The following AMN variants were observed in gnomAD, a reference collection of about 807,000 sequenced individuals.
AMN encodes amnion associated transmembrane protein.
Under a neutral mutation model 49.1 loss-of-function variants are expected in AMN, and 40 were observed. The observed-to-expected ratio is 0.81, with a 90% CI of 0.63 to 1.06. AMN has a LOEUF of 1.06. Ranked by LOEUF, AMN falls within the 50% of genes least tolerant of loss-of-function variation. The pLI is 0.00. For missense variants in AMN, 701 were observed against 662.8 expected, an observed-to-expected ratio of 1.06 and a Z score of -0.63; for synonymous variants, 380 against 313.3, an observed-to-expected ratio of 1.21 and a Z score of -2.25.
chr14:102,930,108 C>T (rs751052842), intron 9 of AMN, 22 bp downstream of exon 9: 7 of 1,509,796 alleles, frequency 4.6e-6, no homozygotes, highest in South Asian at 1.3e-5. Context: ...CGCCCCATCC[C>T]GCCCCGCCGC....
Position 102,929,695 on chromosome 14 carries a change from G to A in AMN, c.801G>A (p.Leu267=), listed in dbSNP as rs1163660664. The change falls in exon 8 of 12, where the codon CTG becomes CTA. Residue 267 remains leucine (L), a synonymous_variant. Coordinates refer to ENST00000299155, the MANE Select transcript of AMN (RefSeq NM_030943.4). Reference sequence around the variant, plus strand: ...TGACCCACGGCCCCGCATTTGACCTGGAGCGGTACCGGGCGCGGATACTGG... The same window carrying A: ...TGACCCACGGCCCCGCATTTGACCTAGAGCGGTACCGGGCGCGGATACTGG... The part of the protein sequence containing the change: ...VLLTHGPAFD[L]ERYRARILDT... The A allele has an allele frequency of 1.9e-6, 3 of 1,551,128 alleles. No homozygotes were observed. Among genetic ancestry groups the A allele is most frequent in the Non-Finnish European group, 2.6e-6 (3 of 1,147,702 alleles).
In AMN at chr14:102,930,676, C is replaced by T; in HGVS notation, c.1358C>T (p.Ala453Val). 3 of 1,583,244 alleles carry T rather than the reference C, an allele frequency of 1.9e-6. No individual in the cohort carries two copies. Among genetic ancestry groups the T allele is most frequent in the Non-Finnish European group, 1.7e-6 (2 of 1,166,242 alleles). ...NPLFAGAEAE[A>V] is the part of the protein sequence containing the mutation. Reference sequence around the variant, plus strand: ...CTGTTCGCCGGGGCCGAGGCCGAGGCCTGAGCGGCCGCCTGACCGTCGACC... The same window carrying T: ...CTGTTCGCCGGGGCCGAGGCCGAGGTCTGAGCGGCCGCCTGACCGTCGACC... The change falls in exon 12 of 12, where the codon GCC becomes GTC. Residue 453 changes from alanine (A) to valine (V), a missense_variant. By Grantham distance (64) the Ala-to-Val change is moderately conservative (BLOSUM62 0). Coordinates refer to ENST00000299155, the MANE Select transcript of AMN (RefSeq NM_030943.4).
In AMN at chr14:102,923,929, C is replaced by T. The variant is rs757540694; in HGVS notation, c.163-6C>T. The stretch of plus-strand genomic sequence containing the variant: ...CCGGCTCGGCTGAGGCAGCTTCTTC[C>T]TGCAGATGGTGTCAGTCCTGGTGCA... On this transcript the variant is annotated splice_region_variant and splice_polypyrimidine_tract_variant and intron_variant, in intron 2 of 11. Transcript: ENST00000299155. 30 of 1,613,066 alleles carry T rather than the reference C, an allele frequency of 1.9e-5. No homozygotes were observed. The East Asian group carries it at 6.2e-4, about 34-fold the overall frequency.
chr14:102,930,441 C>G lies in AMN; in HGVS notation c.1205C>G (p.Ala402Gly). The change falls in exon 11 of 12, where the codon GCG becomes GGG. Residue 402 changes from alanine (A) to glycine (G), a missense_variant. By Grantham distance (60) the Ala-to-Gly change is moderately conservative. Coordinates refer to ENST00000299155, the MANE Select transcript of AMN (RefSeq NM_030943.4). ...RRHEAAAPAGAPLGFRNPVFD... is the reference protein window; with the variant it reads ...RRHEAAAPAGGPLGFRNPVFD... ...CACGAGGCGGCGGCCCCGGCTGGAG[C>G]GCCCCTCGGCTTCCGCAACCCGGTG... 1 of 1,523,652 alleles carries G rather than the reference C, an allele frequency of 6.6e-7. No homozygotes were observed. The highest frequency in any genetic ancestry group is 8.8e-7 in the Non-Finnish European group (1 of 1,140,544). The allele number at this position is 1,523,652 out of a possible 1,614,324, so 94.4% of individuals were successfully genotyped here. A position where few individuals can be genotyped will look rare whatever the true frequency, so the allele number is the denominator to read the frequency against.
Position 102,930,044 on chromosome 14 carries a change from G to C in AMN, c.964G>C (p.Gly322Arg). The change falls in exon 9 of 12, where the codon GGG becomes CGG. Residue 322 changes from glycine to arginine, a missense_variant. Gly to Arg is a moderately radical substitution (Grantham distance 125). Coordinates refer to ENST00000299155, the MANE Select transcript of AMN (RefSeq NM_030943.4). ...GAATGGGCCCGAGACAGGCGGAGCG[G>C]GGCGGCTGGCCCGGGCCCTCCTGGC... The part of the protein sequence containing the change: ...VENGPETGGA[G>R]RLARALLADV... 1 of 1,548,780 alleles carries C rather than the reference G, an allele frequency of 6.5e-7. No homozygotes were observed. Among genetic ancestry groups the C allele is most frequent in the Non-Finnish European group, 8.7e-7 (1 of 1,147,286 alleles).
rs1411842443 is a variant in AMN, at chr14:102,929,143, T to C, written c.536T>C (p.Leu179Pro). 2 of 1,597,232 alleles carry C rather than the reference T, an allele frequency of 1.3e-6. No homozygotes were observed. Among genetic ancestry groups the C allele is most frequent in the Admixed American group, 1.7e-5 (1 of 59,954 alleles). The change falls in exon 6 of 12, where the codon CTG (leucine) becomes CCG (proline). Residue 179 changes from leucine (L) to proline (P), a missense_variant. Physicochemically the swap from Leu to Pro is moderately conservative, Grantham distance 98. Coordinates refer to ENST00000299155, the MANE Select transcript of AMN (RefSeq NM_030943.4). ...CAGACGTTCACGCGCGACGAGGACCTGGCTGTTTTCCTGGCGTCCCGCGCG... is the reference window on the plus strand; with the variant it reads ...CAGACGTTCACGCGCGACGAGGACCCGGCTGTTTTCCTGGCGTCCCGCGCG... ...LGRTFTRDED[L>P]AVFLASRAGR... is the part of the protein sequence containing the mutation.
In AMN at chr14:102,930,119, G is replaced by A; in HGVS notation, c.1006+33G>A. ...CGCCCGCCCCATCCCGCCCCGCCGCGCCTCGCCCCGCCGCGGGGAAGACTG... is the reference window on the plus strand; with the variant it reads ...CGCCCGCCCCATCCCGCCCCGCCGCACCTCGCCCCGCCGCGGGGAAGACTG... On this transcript the variant is annotated intron_variant, in intron 9 of 11. Transcript: ENST00000299155. 6.7e-7 allele frequency: 1 copy of A among 1,500,620 alleles called. No homozygotes were observed. Among genetic ancestry groups the A allele is most frequent in the South Asian group, 1.3e-5 (1 of 78,346 alleles). The allele number at this position is 1,500,620 out of a possible 1,614,324, so 93.0% of individuals were successfully genotyped here.
chr14:102,928,304 C>G (rs1891232819), intron 3 of AMN, 122 bp from the exon 4 acceptor site: 2 of 868,210 alleles, frequency 2.3e-6, no homozygotes. Context: ...CGGGCCTGAG[C>G]TCGCCCGGGC....
intron 3 of AMN, among the ~76,000 whole-genome samples, chr14:102,927,858 A>G (rs1447036254): frequency 3.9e-5 from 6 of 152,050 alleles, no homozygotes; most frequent in Non-Finnish European, 7.4e-5. Flanking sequence ...CGGGAGCTGC[A>G]CGGCCCAGCC....
intron 11 of AMN, 26 bp downstream of exon 11, chr14:102,930,519 G>C (rs1054299900): frequency 4.5e-6 from 7 of 1,541,090 alleles, no homozygotes; most frequent in African/African-American, 4.1e-5. Context: ...GGGGGACCGG[G>C]GCCTCCTCGG....
chr14:102,928,448 T>C lies in AMN; in HGVS notation c.230T>C (p.Leu77Pro). Reference protein sequence around the residue: ...SDMLLPLDGELVLASGAGFGV... With the variant: ...SDMLLPLDGEPVLASGAGFGV... ...CAGCTCCTGCCGCTGGATGGGGAAC[T>C]CGTCCTGGCTTCAGGAGCCGGATTC... Residue 77 changes from leucine to proline, a missense_variant, in exon 4 of 12, where the codon CTC becomes CCC. Leu to Pro is a moderately conservative substitution (Grantham distance 98, BLOSUM62 -3). Transcript: ENST00000299155. The C allele has an allele frequency of 6.2e-7, 1 of 1,608,136 alleles. No homozygotes were observed. Among genetic ancestry groups the C allele is most frequent in the Non-Finnish European group, 8.5e-7 (1 of 1,178,302 alleles).
chr14:102,928,392 C>G (rs773015430), intron 3 of AMN, 34 bp from the exon 4 acceptor site: 10 of 1,553,118 alleles, frequency 6.4e-6, no homozygotes, highest in Non-Finnish European at 8.7e-6. Flanking sequence ...CCCGGACCCC[C>G]GCGTGGCGCC....
chr14:102,923,266 ATACCGGG>A (rs749890948), intron 1 of AMN: 108 of 276,976 alleles, frequency 3.9e-4, no homozygotes, highest in Non-Finnish European at 5.2e-4. Flanking sequence ...CTTACTTCTC[ATACCGGG>A]TTGCGCTCTG....
intron 8 of AMN, 26 bp from the exon 9 acceptor site, chr14:102,929,898 C>A: frequency 6.4e-7 from 1 of 1,550,958 alleles, no homozygotes; most frequent in Non-Finnish European, 8.7e-7. Context: ...GGGGCTGAGT[C>A]AAACCAACCC....
intron 3 of AMN, among the ~76,000 whole-genome samples, 191 bp from the exon 4 acceptor site, chr14:102,928,235 C>T (rs1339181543): frequency 6.6e-6 from 1 of 152,248 alleles, no homozygotes; most frequent in Non-Finnish European, 1.5e-5. Flanking sequence ...GCCCACGCGG[C>T]CCCATCTTTC....
rs1207150835 is a variant in AMN, at chr14:102,928,991, AG to A, written c.513+19del. 2.5e-6 allele frequency: 4 copies of A among 1,596,602 alleles called. No homozygotes were observed. In the African/African-American group the frequency reaches 5.4e-5, roughly 21 times the overall value. On this transcript the variant is annotated intron_variant, in intron 5 of 11. Transcript: ENST00000299155. The stretch of plus-strand genomic sequence containing the variant: ...TCTGGGCCGGGTGAGCACTGAGGGG[AG>A]GGAGGCTCGGGTCCCCTCTCCCCAC...
chr14:102,927,525 A>T (rs1667550987), intron 3 of AMN, among the ~76,000 whole-genome samples: 1 of 152,112 alleles, frequency 6.6e-6, no homozygotes, highest in South Asian at 2.1e-4. Flanking sequence ...CCACACCCTC[A>T]GGTGTGCACG....
chr14:102,930,225 G>A lies in AMN; in HGVS notation c.1067G>A (p.Ser356Asn). 2 of 1,406,532 alleles carry A rather than the reference G, an allele frequency of 1.4e-6. No homozygotes were observed. The highest frequency in any genetic ancestry group is 2.8e-5 in the Admixed American group (1 of 35,516). The allele number at this position is 1,406,532 out of a possible 1,614,324, so 87.1% of individuals were successfully genotyped here. A position where few individuals can be genotyped will look rare whatever the true frequency, so the allele number is the denominator to read the frequency against. Residue 356 changes from serine (S) to asparagine (N), a missense_variant, in exon 10 of 12, where the codon AGC (serine) becomes AAC (asparagine). Coordinates refer to ENST00000299155, the MANE Select transcript of AMN (RefSeq NM_030943.4). Reference protein sequence around the residue: ...MRESGAHVWGSSAAGLAGGVA... With the variant: ...MRESGAHVWGNSAAGLAGGVA... ...GAGTCGGGCGCACACGTCTGGGGCAGCTCCGCGGCTGGGCTGGCGGGCGGC... is the reference window on the plus strand; with the variant it reads ...GAGTCGGGCGCACACGTCTGGGGCAACTCCGCGGCTGGGCTGGCGGGCGGC...
At chr14:102,924,865 C>T (rs1179698049) in intron 3 of AMN, among the ~76,000 whole-genome samples, 2 of 152,132 alleles carry the variant, frequency 1.3e-5, no homozygotes, top group Admixed American at 6.6e-5. Context: ...GCAGCCCCTA[C>T]GGGTGGAGCA....
Sources: gnomAD v4.1 joint callset for allele counts (sites outside exome capture counted in the v4.1 genomes callset) on GRCh38, gnomAD v4.1.1 for gene constraint, MANE v1.5 for transcripts, NCBI Gene and HGNC (gene_info 2026-07-23, HGNC 2026-07-21) for gene names.